Variants in AFF3 observed in about 807,000 individuals in gnomAD.
AFF3 encodes ALF transcription elongation factor 3.
AFF3 carries 32 observed loss-of-function variants against 129.7 expected under a neutral mutation model. That is an observed-to-expected ratio of 0.25 (90% CI 0.19 to 0.33). The LOEUF (loss-of-function observed/expected upper bound fraction) is 0.33. Ranked by LOEUF, AFF3 falls within the 10% of genes least tolerant of loss-of-function variation. The pLI, the probability that AFF3 is intolerant of heterozygous loss-of-function variation, is 1.00. For synonymous variants in AFF3, 644 were observed against 635.4 expected, an observed-to-expected ratio of 1.01 and a Z score of -0.20; for missense variants, 1,373 against 1,592.0, an observed-to-expected ratio of 0.86 and a Z score of 2.34.
intron 7 of AFF3, among the ~76,000 whole-genome samples, chr2:99,923,358 A>G (rs1695989539): frequency 6.6e-6 from 1 of 152,224 alleles, no homozygotes; most frequent in Admixed American, 6.5e-5. Context: ...ACAGATTGTT[A>G]ATTTCTACAT....
At position 99,828,672 on chromosome 2, in the gene AFF3, G is replaced by A. The variant is rs1452004579; in HGVS notation, c.921+8805C>T. On this transcript the variant is annotated intron_variant, in intron 8 of 24. Coordinates refer to ENST00000672756, the MANE Select transcript of AFF3 (RefSeq NM_001386135.1). ...TAGTGCCCTTAGGGAATTTGATGGA[G>A]GCAGTAATGGGACTGAAAGGTCTTT... is the stretch of plus-strand genomic sequence containing the variant. 2.6e-5 allele frequency among the ~76,000 whole-genome samples: 4 copies of A among 152,218 alleles called. No homozygotes were observed. The South Asian group carries it at 8.3e-4, about 32-fold the overall frequency.
chr2:99,675,903 A>G (rs1687563172), intron 11 of AFF3, among the ~76,000 whole-genome samples: 1 of 152,160 alleles, frequency 6.6e-6, no homozygotes, highest in Non-Finnish European at 1.5e-5. Flanking sequence ...TAAACAAACA[A>G]AAGTGTTCAA....
intron 11 of AFF3, among the ~76,000 whole-genome samples, chr2:99,705,873 T>TAAAA (rs1558768502): frequency 1.5e-4 from 2 of 13,368 alleles, no homozygotes; most frequent in African/African-American, 5.2e-4. Flanking sequence ...AAACTGCGCC[T>TAAAA]CAAAAAAAAA....
At chr2:99,785,795 T>C (rs1684744291) in intron 8 of AFF3, among the ~76,000 whole-genome samples, 1 of 152,178 alleles carries the variant, frequency 6.6e-6, no homozygotes, top group Admixed American at 6.5e-5. Flanking sequence ...TCACCCAGGC[T>C]GGAGTGCAAT....
At chr2:100,048,153 G>T (rs1685988820) in intron 4 of AFF3, among the ~76,000 whole-genome samples, 1 of 152,166 alleles carries the variant, frequency 6.6e-6, no homozygotes, top group Non-Finnish European at 1.5e-5. Context: ...ATGCATCCCT[G>T]TTGTTTACAA....
At chr2:99,908,467 T>C (rs1694876748) in intron 7 of AFF3, among the ~76,000 whole-genome samples, 1 of 152,038 alleles carries the variant, frequency 6.6e-6, no homozygotes, top group African/African-American at 2.4e-5. Flanking sequence ...AAAGCCAAAA[T>C]TGACAAATGG....
intron 12 of AFF3, among the ~76,000 whole-genome samples, chr2:99,672,037 T>C (rs1286709634): frequency 6.6e-6 from 1 of 152,172 alleles, no homozygotes; most frequent in African/African-American, 2.4e-5. Flanking sequence ...ATTCATCATT[T>C]TGGCTCACCT....
intron 1 of AFF3, among the ~76,000 whole-genome samples, chr2:100,139,633 G>A (rs915597744): frequency 1.3e-5 from 2 of 152,154 alleles, no homozygotes; most frequent in South Asian, 2.1e-4. Flanking sequence ...TTTTAATGAT[G>A]AGAACAATGG....
At chr2:100,032,540 T>C (rs1344128870) in intron 4 of AFF3, among the ~76,000 whole-genome samples, 1 of 152,170 alleles carries the variant, frequency 6.6e-6, no homozygotes, top group Non-Finnish European at 1.5e-5. Context: ...ACCAATTCAA[T>C]GAATTGTGTA....
chr2:99,736,214 A>C (rs1680241788), intron 10 of AFF3, among the ~76,000 whole-genome samples: 1 of 152,206 alleles, frequency 6.6e-6, no homozygotes, highest in Admixed American at 6.5e-5. Context: ...ATTTCTGTTT[A>C]CATCTTCCAT....
At chr2:99,901,890 G>GAAAACCTAGGCAATACCATTCA in intron 7 of AFF3, among the ~76,000 whole-genome samples, 2 of 152,108 alleles carry the variant, frequency 1.3e-5, no homozygotes, top group South Asian at 4.2e-4. Context: ...CAGCTAAGAA[G>GAAAACCTAGGCAATACCATTCA]GCATTTCATG....
At chr2:100,142,324 C>A (rs1692923765) in intron 1 of AFF3, among the ~76,000 whole-genome samples, 160 bp downstream of exon 1, 1 of 152,114 alleles carries the variant, frequency 6.6e-6, no homozygotes, top group East Asian at 1.9e-4. Flanking sequence ...AGGGCCTGGA[C>A]CATCTCGGTG....
chr2:99,939,629 G>A (rs2106335878), intron 7 of AFF3, among the ~76,000 whole-genome samples: 1 of 152,238 alleles, frequency 6.6e-6, no homozygotes, highest in Non-Finnish European at 1.5e-5. Context: ...GCTTTAGAAA[G>A]GCTATGATAT....
intron 11 of AFF3, among the ~76,000 whole-genome samples, chr2:99,695,693 T>A (rs1431206592): frequency 1.3e-5 from 2 of 152,002 alleles, no homozygotes; most frequent in Non-Finnish European, 2.9e-5. Context: ...AGCAGAAGAT[T>A]TCTCAAATGC....
In AFF3 at chr2:99,554,517, G is replaced by T; in HGVS notation, c.3353C>A (p.Ser1118Tyr). ...GASGKSTGTP[S>Y]PMSPNPSPAS... ...GGGAGAGGGGTTGGGAGACATGGGG[G>T]ATGGGGTTCCAGTGCTCCTGGAAGG... The change falls in exon 24 of 25, where the codon TCC becomes TAC. Residue 1118 changes from serine (S) to tyrosine (Y), a missense_variant. Coordinates refer to ENST00000672756, the MANE Select transcript of AFF3 (RefSeq NM_001386135.1). 1 of 1,613,368 alleles carries T rather than the reference G, an allele frequency of 6.2e-7. No individual in the cohort carries two copies. Among genetic ancestry groups the T allele is most frequent in the Non-Finnish European group, 8.5e-7 (1 of 1,179,824 alleles).
intron 7 of AFF3, among the ~76,000 whole-genome samples, chr2:99,911,201 G>A (rs556583014): frequency 6.6e-6 from 1 of 152,202 alleles, no homozygotes; most frequent in Non-Finnish European, 1.5e-5. Context: ...CTGTTTTGTA[G>A]GAAATGTGGC....
chr2:99,704,429 C>A (rs1177475181), intron 11 of AFF3, among the ~76,000 whole-genome samples: 1 of 152,162 alleles, frequency 6.6e-6, no homozygotes, highest in Non-Finnish European at 1.5e-5. Context: ...TCTGTAGACA[C>A]TAACATGTGC....
chr2:99,786,061 C>G (rs1046528138), intron 8 of AFF3, among the ~76,000 whole-genome samples: 8 of 152,180 alleles, frequency 5.3e-5, no homozygotes, highest in African/African-American at 1.9e-4. Context: ...TGCCTGTGCC[C>G]CATTGACATA....
At chr2:99,886,460 A>G (rs908805396) in intron 7 of AFF3, among the ~76,000 whole-genome samples, 49 of 152,014 alleles carry the variant, frequency 3.2e-4, no homozygotes, top group African/African-American at 1.2e-3. Flanking sequence ...GCGCAAGGTC[A>G]GAGAGCCTCC....
Sources: allele counts gnomAD v4.1 joint callset (sites outside exome capture counted in the v4.1 genomes callset), GRCh38; gene constraint gnomAD v4.1.1; transcripts MANE v1.5; gene names NCBI Gene and HGNC (gene_info 2026-07-23, HGNC 2026-07-21).